CAMK1D: variants seen among roughly 807,000 people sequenced by gnomAD.
CAMK1D encodes calcium/calmodulin dependent protein kinase ID, also known as calcium/calmodulin-dependent protein kinase type 1D.
In CAMK1D, 9 loss-of-function variants were observed where a neutral mutation model predicts 47.7. The ratio of observed to expected loss-of-function variants is 0.19; its 90% confidence interval spans 0.11 to 0.33. The LOEUF (loss-of-function observed/expected upper bound fraction) is 0.33. Among genes scored for constraint, CAMK1D ranks in the 10% least tolerant of loss-of-function variants. CAMK1D has a pLI of 1.00. For synonymous variants in CAMK1D, 184 were observed against 184.9 expected (o/e 0.99, Z 0.04); for missense variants, 291 against 488.7 (o/e 0.60, Z 3.81).
At chr10:12,367,535 A>G (rs1837872125) in intron 1 of CAMK1D, among the ~76,000 whole-genome samples, 1 of 152,072 alleles carries the variant, frequency 6.6e-6, no homozygotes, top group African/African-American at 2.4e-5. Flanking sequence ...AAATAATTCT[A>G]CAACTCACCG....
At chr10:12,545,570 G>A (rs1193513696) in intron 1 of CAMK1D, among the ~76,000 whole-genome samples, 1 of 151,692 alleles carries the variant, frequency 6.6e-6, no homozygotes, top group African/African-American at 2.4e-5. Flanking sequence ...GGGAGGTTGA[G>A]GTGGGCGGAT....
In CAMK1D at chr10:12,831,382, G is replaced by C. The variant is rs756522918; in HGVS notation, c.*2495G>C. 2 of 152,208 alleles carry C rather than the reference G, an allele frequency of 1.3e-5. No individual in the cohort carries two copies. Among genetic ancestry groups the C allele is most frequent in the Non-Finnish European group, 2.9e-5 (2 of 68,060 alleles). 9.4% of individuals were successfully genotyped at this position (152,208 alleles called of 1,614,324 possible). On this transcript the variant is annotated 3_prime_UTR_variant, in exon 11 of 11. Transcript: ENST00000619168. ...AAAATGCACCCGAATCTGGTACCTA[G>C]GATGAGTACATGAATAGTGATGAAT...
chr10:12,387,516 T>A (rs1279524677), intron 1 of CAMK1D, among the ~76,000 whole-genome samples: 2 of 143,156 alleles, frequency 1.4e-5, no homozygotes, highest in Non-Finnish European at 3.0e-5. Flanking sequence ...TCGGTTGCTT[T>A]TTTTTTTTGA....
At position 12,761,069 on chromosome 10, in the gene CAMK1D, G is replaced by A. The variant is rs1836485075; in HGVS notation, c.421G>A (p.Val141Ile). 6.2e-7 allele frequency: 1 copy of A among 1,614,070 alleles called. No homozygotes were observed. The highest frequency in any genetic ancestry group is 8.5e-7 in the Non-Finnish European group (1 of 1,179,970). Residue 141 changes from valine (V) to isoleucine (I), a missense_variant, in exon 4 of 11, where the codon GTC becomes ATC. Physicochemically the swap from Val to Ile is conservative, Grantham distance 29. Transcript: ENST00000619168. ...AVYYLHRMGI[V>I]HRDLKPENLL... ...GTACTATCTCCACAGAATGGGCATCGTCCACAGAGACCTCAAGGTGAGGCC... is the reference window on the plus strand; with the variant it reads ...GTACTATCTCCACAGAATGGGCATCATCCACAGAGACCTCAAGGTGAGGCC...
intron 1 of CAMK1D, among the ~76,000 whole-genome samples, chr10:12,398,730 A>C (rs1010099504): frequency 6.6e-6 from 1 of 152,236 alleles, no homozygotes; most frequent in Non-Finnish European, 1.5e-5. Context: ...GATAAATAAA[A>C]GGAGAATATA....
At chr10:12,721,630 T>C (rs1269086200) in intron 3 of CAMK1D, among the ~76,000 whole-genome samples, 2 of 152,138 alleles carry the variant, frequency 1.3e-5, no homozygotes, top group Non-Finnish European at 2.9e-5. Flanking sequence ...GTGAACAAAA[T>C]AGACAAGGAC....
chr10:12,731,221 G>T (rs1485227798), intron 3 of CAMK1D, among the ~76,000 whole-genome samples: 1 of 152,300 alleles, frequency 6.6e-6, no homozygotes, highest in Non-Finnish European at 1.5e-5. Flanking sequence ...TCTAGTGTAC[G>T]TGCAAGATTG....
intron 3 of CAMK1D, among the ~76,000 whole-genome samples, chr10:12,718,755 G>T (rs1359369169): frequency 1.3e-5 from 2 of 152,038 alleles, no homozygotes; most frequent in Non-Finnish European, 1.5e-5. Flanking sequence ...GGCTCTTTTG[G>T]TTTTTTTCAT....
chr10:12,638,124 C>T (rs776787759), intron 2 of CAMK1D, among the ~76,000 whole-genome samples: 1 of 152,110 alleles, frequency 6.6e-6, no homozygotes, highest in Non-Finnish European at 1.5e-5. Flanking sequence ...CCTCTCTCCA[C>T]CCCAGTAACA....
Position 12,669,599 on chromosome 10 carries a change from A to G in CAMK1D, c.299+2789A>G, listed in dbSNP as rs528430485. ...AATGGACACTTCAGTGATGAACGTG[A>G]GAGAATCATACCCTTAAAGCCACCA... On this transcript the variant is annotated intron_variant, in intron 3 of 10. Coordinates refer to ENST00000619168, the MANE Select transcript of CAMK1D (RefSeq NM_153498.4). Among the ~76,000 whole-genome samples, 139 of 152,322 alleles carry G rather than the reference A, an allele frequency of 9.1e-4. 4 individuals are homozygous for G. In the South Asian group the frequency reaches 0.028, roughly 31 times the overall value.
chr10:12,652,189 G>A (rs907751433), intron 2 of CAMK1D, among the ~76,000 whole-genome samples: 6 of 152,072 alleles, frequency 3.9e-5, no homozygotes, highest in African/African-American at 9.7e-5. Context: ...TTGAATTGTT[G>A]ATTACACTGG....
At chr10:12,647,712 C>T (rs1839851158) in intron 2 of CAMK1D, among the ~76,000 whole-genome samples, 1 of 152,122 alleles carries the variant, frequency 6.6e-6, no homozygotes, top group Non-Finnish European at 1.5e-5. Flanking sequence ...CATGCCCTTC[C>T]CATGGAGTGA....
In CAMK1D at chr10:12,804,597, C is replaced by CAAAT. The variant is rs56342576; in HGVS notation, c.642-9572_642-9569dup. 5.4e-5 allele frequency among the ~76,000 whole-genome samples: 8 copies of CAAAT among 148,910 alleles called. No homozygotes were observed. The South Asian group carries it at 1.1e-3, about 20-fold the overall frequency. On this transcript the variant is annotated intron_variant, in intron 6 of 10. Transcript: ENST00000619168. Reference sequence around the variant, plus strand: ...TGGGCGACAGAGTGAGACTCCGTCTCAAATAAATAAATAAATAAATAAATA... The same window carrying CAAAT: ...TGGGCGACAGAGTGAGACTCCGTCTCAAATAAATAAATAAATAAATAAATAAATA...
intron 3 of CAMK1D, among the ~76,000 whole-genome samples, chr10:12,704,064 G>T (rs1833636847): frequency 6.6e-6 from 1 of 152,142 alleles, no homozygotes; most frequent in African/African-American, 2.4e-5. Context: ...TGAAACGTGT[G>T]TGTGTGTGTG....
intron 1 of CAMK1D, among the ~76,000 whole-genome samples, chr10:12,380,955 TG>T (rs1467186504): frequency 6.6e-6 from 1 of 152,230 alleles, no homozygotes; most frequent in Non-Finnish European, 1.5e-5. Flanking sequence ...TTTGTCAGGT[TG>T]TTTTTGAGTT....
intron 3 of CAMK1D, among the ~76,000 whole-genome samples, chr10:12,752,923 A>G (rs1459353636): frequency 1.3e-5 from 2 of 152,230 alleles, no homozygotes; most frequent in East Asian, 3.8e-4. Context: ...AGGAATATCA[A>G]ATGACTTTAG....
At chr10:12,550,573 G>A (rs1204325695) in intron 1 of CAMK1D, among the ~76,000 whole-genome samples, 1 of 152,208 alleles carries the variant, frequency 6.6e-6, no homozygotes, top group Non-Finnish European at 1.5e-5. Context: ...GGTGTCACTG[G>A]GAATGTCTGA....
chr10:12,369,017 A>G (rs947534517), intron 1 of CAMK1D, among the ~76,000 whole-genome samples: 2 of 151,972 alleles, frequency 1.3e-5, no homozygotes, highest in Middle Eastern at 3.2e-3. Flanking sequence ...GGTTTTCACT[A>G]TGTTGACCAG....
chr10:12,379,300 G>A (rs1000035593), intron 1 of CAMK1D, among the ~76,000 whole-genome samples: 2 of 152,210 alleles, frequency 1.3e-5, no homozygotes, highest in Non-Finnish European at 2.9e-5. Flanking sequence ...CCAGGGATCT[G>A]TCTGCATGAT....
Sources: allele counts gnomAD v4.1 joint callset (sites outside exome capture counted in the v4.1 genomes callset), GRCh38; gene constraint gnomAD v4.1.1; transcripts MANE v1.5; gene names NCBI Gene and HGNC (gene_info 2026-07-23, HGNC 2026-07-21).